The following ERC2 variants were observed in gnomAD, a reference collection of about 807,000 sequenced individuals.
ERC2 encodes the protein ELKS/RAB6-interacting/CAST family member 2.
A neutral mutation model predicts 114.8 loss-of-function variants in ERC2; 42 were observed. The ratio of observed to expected loss-of-function variants is 0.37; its 90% CI spans 0.29 to 0.47. The LOEUF is 0.47. Ranked by LOEUF, ERC2 falls within the 20% of genes least tolerant of loss-of-function variation. ERC2 has a pLI of 0.99. For synonymous variants in ERC2, 454 were observed against 425.5 expected (o/e 1.07, Z -0.82); for missense variants, 939 against 1,150.7 (o/e 0.82, Z 2.66).
At chr3:55,876,520 G>C (rs889678875) in intron 14 of ERC2, among the ~76,000 whole-genome samples, 3 of 152,222 alleles carry the variant, frequency 2.0e-5, no homozygotes, top group African/African-American at 7.2e-5. Flanking sequence ...TACCCAGAGG[G>C]ATGTTGTGAA....
intron 5 of ERC2, among the ~76,000 whole-genome samples, chr3:56,142,711 A>G (rs900196342): frequency 1.3e-5 from 2 of 151,992 alleles, no homozygotes; most frequent in African/African-American, 4.8e-5. Context: ...TTTTCTTATA[A>G]TTCCAACTTT....
chr3:55,759,611 T>C (rs899849665), intron 14 of ERC2, among the ~76,000 whole-genome samples: 9 of 151,696 alleles, frequency 5.9e-5, no homozygotes, highest in African/African-American at 9.7e-5. Context: ...TGAAGTATGA[T>C]GAAGATTGTT....
At chr3:55,993,181 G>C (rs1018720365) in intron 10 of ERC2, among the ~76,000 whole-genome samples, 1 of 152,000 alleles carries the variant, frequency 6.6e-6, no homozygotes, top group African/African-American at 2.4e-5. Context: ...TCTTCAAAGA[G>C]CAGGCAGGGA....
chr3:55,859,873 C>A (rs2061957164), intron 14 of ERC2, among the ~76,000 whole-genome samples: 1 of 152,012 alleles, frequency 6.6e-6, no homozygotes, highest in Non-Finnish European at 1.5e-5. Flanking sequence ...TGACACTGTG[C>A]TTTCAAAATT....
Position 56,348,868 on chromosome 3 carries a change from AAAGG to A in ERC2, c.658-52437_658-52434del, listed in dbSNP as rs559533182. The stretch of plus-strand genomic sequence containing the variant: ...TTCTAAGATACCACCAAAATGAAAG[AAAGG>A]AAGGAAGGAAGGAAGGAAGGAAGGA... On this transcript the variant is annotated intron_variant, in intron 2 of 17. Transcript: ENST00000288221. Among the ~76,000 whole-genome samples, 829 of 113,982 alleles carry A rather than the reference AAAGG, an allele frequency of 7.3e-3. 24 individuals are homozygous for A. The highest frequency in any genetic ancestry group is 0.03 in the African/African-American group (790 of 25,948). 74.8% of individuals were successfully genotyped at this position (113,982 alleles called of 152,430 possible).
chr3:55,699,415 C>T lies in ERC2; in HGVS notation c.2810G>A (p.Arg937Lys), dbSNP rs760365376. The T allele has an allele frequency of 1.9e-5, 31 of 1,613,732 alleles. 1 individual carries two copies. In the South Asian group the frequency reaches 3.2e-4, roughly 17 times the overall value. Residue 937 changes from arginine (R) to lysine (K), a missense_variant, in exon 16 of 18, where the codon AGG becomes AAG. Around this residue, in one of 5 missense-constraint regions of ERC2, gnomAD observed 328 missense variants for 353.9 expected, o/e 0.93. Transcript: ENST00000288221. Reference sequence around the variant, plus strand: ...GGGCCTGTGATTGGAATGTTGCGACCTCCCAGGAGATCGATGGTGGTGGTG... The same window carrying T: ...GGGCCTGTGATTGGAATGTTGCGACTTCCCAGGAGATCGATGGTGGTGGTG... ...HHHHHHRSPG[R>K]SQHSNHRPSP...
intron 11 of ERC2, among the ~76,000 whole-genome samples, chr3:55,988,597 T>C (rs1363806266): frequency 6.6e-6 from 1 of 152,230 alleles, no homozygotes; most frequent in African/African-American, 2.4e-5. Context: ...GTCTGAGTTA[T>C]TCCTAACCCT....
At chr3:55,731,382 CA>C (rs2065243477) in intron 15 of ERC2, among the ~76,000 whole-genome samples, 1 of 152,208 alleles carries the variant, frequency 6.6e-6, no homozygotes, top group Non-Finnish European at 1.5e-5. Flanking sequence ...ATAATAGTAA[CA>C]TTAATAGTAA....
chr3:55,968,443 T>C (rs1162516508), intron 12 of ERC2, among the ~76,000 whole-genome samples: 2 of 152,186 alleles, frequency 1.3e-5, no homozygotes, highest in Non-Finnish European at 2.9e-5. Flanking sequence ...CAAGAGAAAC[T>C]TTTACATAAA....
chr3:56,218,747 C>T (rs1208345530), intron 3 of ERC2, among the ~76,000 whole-genome samples: 11 of 152,174 alleles, frequency 7.2e-5, no homozygotes, highest in African/African-American at 2.7e-4. Context: ...CCCAAATGTC[C>T]AACAATGATA....
chr3:56,465,404 C>G (rs1225142547), intron 1 of ERC2, among the ~76,000 whole-genome samples: 1 of 151,954 alleles, frequency 6.6e-6, no homozygotes, highest in East Asian at 1.9e-4. Flanking sequence ...TTTCAAAAAA[C>G]AATAAAAAAT....
chr3:55,960,774 G>A (rs2068301548), intron 12 of ERC2, among the ~76,000 whole-genome samples: 2 of 152,218 alleles, frequency 1.3e-5, no homozygotes, highest in Admixed American at 1.3e-4. Flanking sequence ...GCAGCAGAAA[G>A]TATACAAATA....
chr3:56,317,784 C>T (rs947779944), intron 2 of ERC2, among the ~76,000 whole-genome samples: 20 of 152,262 alleles, frequency 1.3e-4, no homozygotes, highest in African/African-American at 4.8e-4. Flanking sequence ...ACAGTAAGTG[C>T]TGCACAGACA....
chr3:56,357,457 C>T (rs531496935), intron 2 of ERC2, among the ~76,000 whole-genome samples: 1 of 152,258 alleles, frequency 6.6e-6, no homozygotes, highest in South Asian at 2.1e-4. Context: ...CAACTTCCAC[C>T]TCTACAGCCT....
intron 2 of ERC2, among the ~76,000 whole-genome samples, chr3:56,323,809 G>A (rs903793285): frequency 1.3e-5 from 2 of 152,128 alleles, no homozygotes. Context: ...TAAAACCACT[G>A]TGGAAAAAAC....
At chr3:55,808,259 AT>A (rs1431123043) in intron 14 of ERC2, among the ~76,000 whole-genome samples, 3 of 152,012 alleles carry the variant, frequency 2.0e-5, no homozygotes, top group African/African-American at 7.2e-5. Flanking sequence ...TGAAAGTAGA[AT>A]TTCTTGTGGG....
chr3:55,551,698 T>C (rs1221443108), intron 17 of ERC2, among the ~76,000 whole-genome samples: 2 of 152,132 alleles, frequency 1.3e-5, no homozygotes, highest in African/African-American at 4.8e-5. Context: ...AATGAAGGCC[T>C]CAACTGATTG....
chr3:55,778,902 A>C (rs558269698), intron 14 of ERC2, among the ~76,000 whole-genome samples: 1 of 152,284 alleles, frequency 6.6e-6, no homozygotes, highest in South Asian at 2.1e-4. Context: ...GAATGTAAAG[A>C]AATAACTATA....
intron 3 of ERC2, among the ~76,000 whole-genome samples, chr3:56,263,952 C>T (rs2053118570): frequency 6.6e-6 from 1 of 152,104 alleles, no homozygotes; most frequent in Admixed American, 6.6e-5. Context: ...AATTATTATA[C>T]ATTGTGACCA....
Sources: gnomAD v4.1 joint callset for allele counts (sites outside exome capture counted in the v4.1 genomes callset) on GRCh38, gnomAD v4.1.1 for gene constraint, gnomAD v4.1.1 regional missense constraint, MANE v1.5 for transcripts, NCBI Gene and HGNC (gene_info 2026-07-23, HGNC 2026-07-21) for gene names.